The following RAP1A variants were observed in gnomAD, a reference collection of about 807,000 sequenced individuals.
RAP1A encodes the protein ras-related protein Rap-1A.
In RAP1A, 6 loss-of-function variants were observed where a neutral mutation model predicts 26.4. The ratio of observed to expected loss-of-function variants is 0.23; its 90% CI spans 0.12 to 0.45. RAP1A has a LOEUF of 0.45. Ranked by LOEUF, RAP1A falls within the 20% of genes least tolerant of loss-of-function variation. The pLI, the probability that RAP1A is intolerant of heterozygous loss-of-function variation, is 0.99. For missense variants in RAP1A, 121 were observed against 217.2 expected, an observed-to-expected ratio of 0.56 and a Z score of 2.78; for synonymous variants, 73 against 79.4, an observed-to-expected ratio of 0.92 and a Z score of 0.43.
chr1:111,686,732 C>T (rs1010030825), intron 1 of RAP1A: 1 of 143,502 alleles, frequency 7.0e-6, no homozygotes, highest in Non-Finnish European at 1.5e-5. Flanking sequence ...ATAAAGAAGA[C>T]CTGGAACCAA....
intron 1 of RAP1A, among the ~76,000 whole-genome samples, chr1:111,599,406 C>T (rs1337135216): frequency 2.6e-5 from 4 of 152,136 alleles, no homozygotes; most frequent in South Asian, 4.1e-4. Context: ...GGAGTTTCAC[C>T]GTGTTAGCCA....
At chr1:111,684,778 G>A (rs2473842) in intron 1 of RAP1A, among the ~76,000 whole-genome samples, 72,487 of 151,916 alleles carry the variant, frequency 0.48, 17,560 homozygotes, top group African/African-American at 0.55. Flanking sequence ...TAGAAAAAAA[G>A]CTACTTCAAA....
At chr1:111,651,398 C>G (rs541185340) in intron 1 of RAP1A, among the ~76,000 whole-genome samples, 2 of 150,912 alleles carry the variant, frequency 1.3e-5, no homozygotes, top group South Asian at 4.2e-4. Flanking sequence ...AGAAAAATGA[C>G]TTTGTACTTT....
At chr1:111,659,509 C>T (rs1161275510) in intron 1 of RAP1A, among the ~76,000 whole-genome samples, 2 of 147,586 alleles carry the variant, frequency 1.4e-5, no homozygotes, top group Admixed American at 6.8e-5. Flanking sequence ...TTGTGACAGT[C>T]TCTTTTTTTT....
chr1:111,648,877 TG>T, intron 1 of RAP1A: 1 of 790,438 alleles, frequency 1.3e-6, no homozygotes, highest in Non-Finnish European at 2.2e-6. Context: ...TCTGCCTCCA[TG>T]GTCAACCCAG....
intron 1 of RAP1A, among the ~76,000 whole-genome samples, chr1:111,675,038 A>G (rs956332561): frequency 1.3e-5 from 2 of 152,032 alleles, no homozygotes; most frequent in African/African-American, 4.8e-5. Flanking sequence ...ATGCCGAGCT[A>G]TGTAGTATCC....
chr1:111,612,635 C>A (rs954070042), intron 1 of RAP1A, among the ~76,000 whole-genome samples: 30 of 152,272 alleles, frequency 2.0e-4, no homozygotes, highest in African/African-American at 7.0e-4. Flanking sequence ...CCGCTCAAAT[C>A]ACACAATGCA....
intron 1 of RAP1A, among the ~76,000 whole-genome samples, chr1:111,547,912 A>G (rs902012906): frequency 2.0e-5 from 3 of 152,274 alleles, no homozygotes; most frequent in African/African-American, 7.2e-5. Context: ...TTGGCCCTCC[A>G]GAAAGTAAAC....
chr1:111,602,979 T>C (rs1658700570), intron 1 of RAP1A, among the ~76,000 whole-genome samples: 1 of 152,138 alleles, frequency 6.6e-6, no homozygotes, highest in Admixed American at 6.5e-5. Context: ...CACCTCTCCT[T>C]ATAGTAATTC....
chr1:111,560,683 G>T (rs190266825), intron 1 of RAP1A, among the ~76,000 whole-genome samples: 3 of 151,924 alleles, frequency 2.0e-5, no homozygotes, highest in Non-Finnish European at 4.4e-5. Flanking sequence ...GGAGAGACAG[G>T]GACCCACTTT....
In RAP1A at chr1:111,713,830, CA is replaced by C. The variant is rs1662457379; in HGVS notation, c.*1434del. On this transcript the variant is annotated 3_prime_UTR_variant, in exon 8 of 8. Transcript: ENST00000369709. Reference sequence around the variant, plus strand: ...GTAGTCTCTATAAAGAGAGGTAGAACAAAAAGCTTGTTAGCCAATTAAGTTC... The same window carrying C: ...GTAGTCTCTATAAAGAGAGGTAGAACAAAAGCTTGTTAGCCAATTAAGTTC... 4.6e-5 allele frequency: 7 copies of C among 152,184 alleles called. No homozygotes were observed. The South Asian group carries it at 1.2e-3, about 27-fold the overall frequency. 9.4% of individuals were successfully genotyped at this position (152,184 alleles called of 1,614,324 possible). A position where few individuals can be genotyped will look rare whatever the true frequency, so the allele number is the denominator to read the frequency against.
chr1:111,596,330 G>T (rs1658563315), intron 1 of RAP1A, among the ~76,000 whole-genome samples: 1 of 152,140 alleles, frequency 6.6e-6, no homozygotes, highest in Non-Finnish European at 1.5e-5. Context: ...ACAACAAGGA[G>T]GCCACAGGAC....
chr1:111,670,731 A>C (rs1660947007), intron 1 of RAP1A, among the ~76,000 whole-genome samples: 1 of 152,240 alleles, frequency 6.6e-6, no homozygotes, highest in Non-Finnish European at 1.5e-5. Flanking sequence ...AATCCGAATG[A>C]AAAAGGAGAT....
chr1:111,703,941 G>A (rs946646236), intron 5 of RAP1A, among the ~76,000 whole-genome samples: 1 of 152,128 alleles, frequency 6.6e-6, no homozygotes, highest in Non-Finnish European at 1.5e-5. Context: ...TGGGACTACA[G>A]GTGTGTGCCA....
chr1:111,549,344 T>C (rs1203206478), intron 1 of RAP1A, among the ~76,000 whole-genome samples: 17 of 151,582 alleles, frequency 1.1e-4, no homozygotes, highest in Admixed American at 1.1e-3. Flanking sequence ...TTTCCTTTTT[T>C]TCCCCCTTTT....
intron 1 of RAP1A, among the ~76,000 whole-genome samples, chr1:111,651,353 TAAC>T (rs1198829843): frequency 6.6e-6 from 1 of 152,126 alleles, no homozygotes; most frequent in Non-Finnish European, 1.5e-5. Flanking sequence ...TTCTGGTTCT[TAAC>T]AAAATTCTTT....
intron 3 of RAP1A, among the ~76,000 whole-genome samples, chr1:111,696,760 T>C (rs1029320448): frequency 7.9e-5 from 12 of 152,328 alleles, no homozygotes; most frequent in African/African-American, 2.9e-4. Flanking sequence ...TGATAGTTGA[T>C]ACTTTCATTA....
intron 1 of RAP1A, among the ~76,000 whole-genome samples, chr1:111,676,715 A>AC (rs1661138236): frequency 6.6e-6 from 1 of 151,976 alleles, no homozygotes; most frequent in South Asian, 2.1e-4. Flanking sequence ...TGTAGCCATT[A>AC]CCCCTGTGCC....
intron 1 of RAP1A, among the ~76,000 whole-genome samples, chr1:111,637,530 G>T (rs1659762419): frequency 6.6e-6 from 1 of 152,156 alleles, no homozygotes; most frequent in Non-Finnish European, 1.5e-5. Flanking sequence ...TACTGCTCCT[G>T]TTGAGAATGC....
Sources: allele counts gnomAD v4.1 joint callset (sites outside exome capture counted in the v4.1 genomes callset), GRCh38; gene constraint gnomAD v4.1.1; transcripts MANE v1.5; gene names NCBI Gene and HGNC (gene_info 2026-07-23, HGNC 2026-07-21).